DNAI3: variants seen among roughly 807,000 people sequenced by gnomAD.
DNAI3 encodes WD repeat domain 63.
Under a neutral mutation model 115.5 loss-of-function variants are expected in DNAI3, and 83 were observed. The observed-to-expected ratio is 0.72, with a 90% CI of 0.60 to 0.86. DNAI3 has a LOEUF of 0.86. Ranked by LOEUF, DNAI3 falls within the 40% of genes least tolerant of loss-of-function variation. The pLI, the probability that DNAI3 is intolerant of heterozygous loss-of-function variation, is 0.00. For missense variants in DNAI3, 1,004 were observed against 1,075.8 expected (o/e 0.93, Z 0.93); for synonymous variants, 320 against 347.0 (o/e 0.92, Z 0.86).
chr1:85,069,164 C>G (rs1416707939), intron 1 of DNAI3, among the ~76,000 whole-genome samples: 1 of 152,210 alleles, frequency 6.6e-6, no homozygotes. Flanking sequence ...TCTGCTCCAG[C>G]CATCATGACC....
chr1:85,130,219 T>A, intron 22 of DNAI3, 107 bp downstream of exon 22: 1 of 1,496,986 alleles, frequency 6.7e-7, no homozygotes, highest in South Asian at 1.3e-5. Flanking sequence ...TTTTTCACAT[T>A]CTTCTCTTGT....
chr1:85,075,932 C>T (rs1654438267), intron 3 of DNAI3, among the ~76,000 whole-genome samples: 1 of 152,184 alleles, frequency 6.6e-6, no homozygotes, highest in Non-Finnish European at 1.5e-5. Flanking sequence ...TTGCCACAAA[C>T]TTAGTGGCTT....
Position 85,110,040 on chromosome 1 carries a change from C to T in DNAI3, c.1699-8C>T, listed in dbSNP as rs1177003018. ...GGAAATAATCTTTGCTATATGTTCT[C>T]CCAAAAGGTAAGGCTGTCCAAGGGT... On this transcript the variant is annotated splice_polypyrimidine_tract_variant and splice_region_variant and intron_variant, in intron 15 of 22. Transcript: ENST00000294664. 6.2e-7 allele frequency: 1 copy of T among 1,612,590 alleles called. No homozygotes were observed. The highest frequency in any genetic ancestry group is 8.5e-7 in the Non-Finnish European group (1 of 1,179,134).
At chr1:85,084,823 G>C (rs1167849875) in intron 6 of DNAI3, 128 bp downstream of exon 6, 2 of 956,248 alleles carry the variant, frequency 2.1e-6, no homozygotes, top group Admixed American at 7.8e-5. Context: ...GTTTTGGTTT[G>C]CTTTTATAGA....
chr1:85,090,274 T>C, intron 8 of DNAI3, 42 bp downstream of exon 8: 4 of 1,153,206 alleles, frequency 3.5e-6, no homozygotes, highest in Non-Finnish European at 4.9e-6. Flanking sequence ...AAACATAAAA[T>C]GTATATGTTT....
At chr1:85,127,467 G>A (rs1447037634) in intron 20 of DNAI3, among the ~76,000 whole-genome samples, 1 of 152,048 alleles carries the variant, frequency 6.6e-6, no homozygotes, top group African/African-American at 2.4e-5. Flanking sequence ...AAGTGCAGTG[G>A]TGTGATCAAT....
chr1:85,096,179 G>A (rs747217617), intron 11 of DNAI3, among the ~76,000 whole-genome samples, 159 bp downstream of exon 11: 26 of 152,142 alleles, frequency 1.7e-4, no homozygotes, highest in Non-Finnish European at 2.6e-4. Flanking sequence ...GTATAGAGAC[G>A]TGTTACACAC....
chr1:85,116,626 T>A (rs551891212), intron 16 of DNAI3, among the ~76,000 whole-genome samples: 98 of 152,358 alleles, frequency 6.4e-4, no homozygotes, highest in African/African-American at 2.2e-3. Flanking sequence ...TGATTTTAAT[T>A]GTATACATTA....
At chr1:85,090,818 T>A (rs2100577441) in intron 8 of DNAI3, among the ~76,000 whole-genome samples, 1 of 152,206 alleles carries the variant, frequency 6.6e-6, no homozygotes, top group Non-Finnish European at 1.5e-5. Context: ...CTTGACAAGT[T>A]CTCACCAAGC....
intron 3 of DNAI3, among the ~76,000 whole-genome samples, chr1:85,078,504 C>T (rs10493759): frequency 0.6 from 90,793 of 152,084 alleles, 27,133 homozygotes; most frequent in Non-Finnish European, 0.6. Context: ...TTGTTTTACA[C>T]TCCTTGGAGC....
chr1:85,099,625 A>G (rs905338693), intron 13 of DNAI3, among the ~76,000 whole-genome samples: 3 of 152,204 alleles, frequency 2.0e-5, no homozygotes, highest in East Asian at 1.9e-4. Context: ...GGAAAAAACT[A>G]AAGTTCATAT....
rs1417911411 is a variant in DNAI3 at position 85,121,817 on chromosome 1, A to G, written c.1981+3A>G. ...CCCTGAAACTGGCCGACTTATGTGTAAGTTTTGTGATTGCCCTGTTATTAA... is the reference window on the plus strand; with the variant it reads ...CCCTGAAACTGGCCGACTTATGTGTGAGTTTTGTGATTGCCCTGTTATTAA... On this transcript the variant is annotated splice_donor_region_variant and intron_variant, in intron 18 of 22. Transcript: ENST00000294664. 2 of 1,613,890 alleles carry G rather than the reference A, an allele frequency of 1.2e-6. No homozygotes were observed. Among genetic ancestry groups the G allele is most frequent in the South Asian group, 2.2e-5 (2 of 91,086 alleles).
chr1:85,130,217 A>G, intron 22 of DNAI3, 105 bp downstream of exon 22: 1 of 1,504,480 alleles, frequency 6.6e-7, no homozygotes, highest in Non-Finnish European at 9.0e-7. Flanking sequence ...ACTTTTTCAC[A>G]TTCTTCTCTT....
chr1:85,111,244 T>C (rs1195566677), intron 16 of DNAI3, among the ~76,000 whole-genome samples: 2 of 152,202 alleles, frequency 1.3e-5, no homozygotes, highest in Non-Finnish European at 2.9e-5. Flanking sequence ...AAAATACTGA[T>C]TCACTAAACT....
intron 1 of DNAI3, among the ~76,000 whole-genome samples, chr1:85,066,475 T>C (rs1050688187): frequency 6.6e-6 from 1 of 151,788 alleles, no homozygotes; most frequent in East Asian, 1.9e-4. Flanking sequence ...TACAGGCGCC[T>C]GCCACCACGC....
chr1:85,126,456 C>G (rs1656138585), intron 19 of DNAI3, 55 bp from the exon 20 acceptor site: 1 of 1,530,304 alleles, frequency 6.5e-7, no homozygotes, highest in East Asian at 2.4e-5. Flanking sequence ...TGGTGAATTT[C>G]CCTCAGATAA....
chr1:85,126,600 C>T lies in DNAI3; in HGVS notation c.2202C>T (p.Gly734=), dbSNP rs768044743. 2.5e-6 allele frequency: 4 copies of T among 1,614,124 alleles called. No homozygotes were observed. The highest frequency in any genetic ancestry group is 1.3e-5 in the African/African-American group (1 of 75,042). Residue 734 remains glycine (G), a synonymous_variant, in exon 20 of 23, where the codon GGC becomes GGT. Transcript: ENST00000294664. ...CTCGGCCCGGAGTTTTCTACATCGG[C>T]CGAGAAGATGGATACATTGATATCT... The part of the protein sequence containing the change: ...SLTRPGVFYI[G]REDGYIDIWD...
intron 16 of DNAI3, among the ~76,000 whole-genome samples, chr1:85,110,622 C>G (rs987804164): frequency 1.3e-5 from 2 of 151,974 alleles, no homozygotes; most frequent in Non-Finnish European, 1.5e-5. Flanking sequence ...CTATTGCCAA[C>G]GCATTAAAAT....
Position 85,133,096 on chromosome 1 carries a change from T to C in DNAI3, c.*98T>C, listed in dbSNP as rs918540546. The stretch of plus-strand genomic sequence containing the variant: ...TGAACATATATATATATAGGCTCAT[T>C]TATAGACTTTTATTTCCCTGCTATT... On this transcript the variant is annotated 3_prime_UTR_variant, in exon 23 of 23. Transcript: ENST00000294664. The C allele has an allele frequency of 1.6e-6, 2 of 1,269,860 alleles. No individual in the cohort carries two copies. Among genetic ancestry groups the C allele is most frequent in the Non-Finnish European group, 2.1e-6 (2 of 961,650 alleles). 78.7% of individuals were successfully genotyped at this position (1,269,860 alleles called of 1,614,324 possible).
Sources: gnomAD v4.1 joint callset for allele counts (sites outside exome capture counted in the v4.1 genomes callset) on GRCh38, gnomAD v4.1.1 for gene constraint, MANE v1.5 for transcripts, NCBI Gene and HGNC (gene_info 2026-07-23, HGNC 2026-07-21) for gene names.